Variants in AMPD1 observed in about 807,000 individuals in gnomAD.
AMPD1 encodes AMP deaminase 1.
In AMPD1, 74 loss-of-function variants were observed where a neutral mutation model predicts 82.9. The ratio of observed to expected loss-of-function variants is 0.89; its 90% CI spans 0.74 to 1.08. AMPD1 has a LOEUF of 1.08. Ranked by LOEUF, AMPD1 falls within the 50% of genes least tolerant of loss-of-function variation. The probability of loss-of-function intolerance (pLI) is 0.00; values close to 1 mark genes in which losing one functional copy is unlikely to be tolerated. For synonymous variants in AMPD1, 333 were observed against 320.5 expected, an observed-to-expected ratio of 1.04 and a Z score of -0.42; for missense variants, 881 against 924.5, an observed-to-expected ratio of 0.95 and a Z score of 0.61.
In AMPD1 at chr1:114,673,176, G is replaced by A. The variant is rs777802711; in HGVS notation, c.2182C>T (p.Arg728Cys). The A allele has an allele frequency of 8.7e-6, 14 of 1,613,998 alleles. No homozygotes were observed. The highest frequency in any genetic ancestry group is 5.5e-5 in the South Asian group (5 of 91,074). The change falls in exon 16 of 16, where the codon CGC becomes TGC. Residue 728 changes from arginine to cysteine, a missense_variant. This residue lies in a region of AMPD1 where 98 missense variants were observed against 138.1 expected (regional missense o/e 0.71). Coordinates refer to ENST00000520113, the MANE Select transcript of AMPD1 (RefSeq NM_000036.3). Reference protein sequence around the residue: ...TNVAQIRMAYRYETWCYELNL... With the variant: ...TNVAQIRMAYCYETWCYELNL... ...AGTTCATAACACCAGGTTTCATAGC[G>A]ATAGGCCATGCGGATTTGGGCTACA...
chr1:114,675,393 A>G (rs1657950431), intron 12 of AMPD1, 137 bp downstream of exon 12: 1 of 948,924 alleles, frequency 1.1e-6, no homozygotes, highest in Non-Finnish European at 1.6e-6. Context: ...AAAAAAGTTA[A>G]GAGAAAGAAA....
chr1:114,675,832 C>G, intron 11 of AMPD1, 45 bp downstream of exon 11: 1 of 1,613,684 alleles, frequency 6.2e-7, no homozygotes, highest in Non-Finnish European at 8.5e-7. Flanking sequence ...GGTAGGAAGG[C>G]TGGTTCATGA....
chr1:114,686,975 A>C (rs758842271), intron 3 of AMPD1, 65 bp from the exon 4 acceptor site: 1 of 1,520,536 alleles, frequency 6.6e-7, no homozygotes, highest in African/African-American at 1.4e-5. Flanking sequence ...TGTGATAGAT[A>C]GATGTTTCTC....
At chr1:114,693,209 T>C (rs1658570403) in intron 2 of AMPD1, among the ~76,000 whole-genome samples, 1 of 148,914 alleles carries the variant, frequency 6.7e-6, no homozygotes, top group Non-Finnish European at 1.5e-5. Flanking sequence ...AAATTATATA[T>C]AATTATATAT....
chr1:114,684,414 T>C (rs1332055661), intron 4 of AMPD1, 50 bp from the exon 5 acceptor site: 1 of 1,591,794 alleles, frequency 6.3e-7, no homozygotes, highest in Non-Finnish European at 8.6e-7. Flanking sequence ...CACGAAAAAC[T>C]GAGAAGTGAG....
At chr1:114,685,768 G>T (rs552857709) in intron 4 of AMPD1, among the ~76,000 whole-genome samples, 30 of 152,040 alleles carry the variant, frequency 2.0e-4, no homozygotes, top group Non-Finnish European at 4.3e-4. Context: ...TGTTTCCCCT[G>T]TACTCATCTC....
chr1:114,684,649 G>T (rs1014120113), intron 4 of AMPD1, among the ~76,000 whole-genome samples: 3 of 152,208 alleles, frequency 2.0e-5, no homozygotes, highest in Admixed American at 2.0e-4. Context: ...TACATAGCAG[G>T]GATTATCTAG....
intron 3 of AMPD1, among the ~76,000 whole-genome samples, chr1:114,687,750 T>C (rs1022035324): frequency 6.6e-6 from 1 of 152,062 alleles, no homozygotes; most frequent in Non-Finnish European, 1.5e-5. Flanking sequence ...GTATGCATCA[T>C]AGACATGGGA....
At chr1:114,688,396 G>A (rs998847895) in intron 3 of AMPD1, among the ~76,000 whole-genome samples, 165 bp downstream of exon 3, 1 of 152,164 alleles carries the variant, frequency 6.6e-6, no homozygotes, top group Non-Finnish European at 1.5e-5. Flanking sequence ...CCAGAGTGCT[G>A]GGATTACATT....
rs763475874 is a variant in AMPD1, at chr1:114,688,531, T to G, written c.215+30A>C. 2.5e-6 allele frequency: 4 copies of G among 1,612,534 alleles called. No homozygotes were observed. The South Asian group carries it at 4.4e-5, about 18-fold the overall frequency. ...GCAGATACCCCTCCTTAGGTGCCAA[T>G]ATACTAAGCACTCCCCTTACACCAC... On this transcript the variant is annotated intron_variant, in intron 3 of 15. Transcript: ENST00000520113.
At chr1:114,679,531 T>G in intron 7 of AMPD1, 48 bp downstream of exon 7, 1 of 1,608,460 alleles carries the variant, frequency 6.2e-7, no homozygotes, top group Non-Finnish European at 8.5e-7. Flanking sequence ...AATAAATAAT[T>G]GAATTGTTTT....
In AMPD1 at chr1:114,673,803, A is replaced by C; in HGVS notation, c.1975-54T>G. 41 of 1,575,132 alleles carry C rather than the reference A, an allele frequency of 2.6e-5. No homozygotes were observed. The South Asian group carries it at 4.4e-4, about 17-fold the overall frequency. On this transcript the variant is annotated intron_variant, in intron 14 of 15. Coordinates refer to ENST00000520113, the MANE Select transcript of AMPD1 (RefSeq NM_000036.3). ...AGGAGTGAATTAATAAATAATATGC[A>C]TCCTGCCTGAAAAAATAATGAAATA...
chr1:114,683,314 C>T (rs1200239698), intron 5 of AMPD1, among the ~76,000 whole-genome samples: 1 of 152,134 alleles, frequency 6.6e-6, no homozygotes. Flanking sequence ...CACAGGGAAG[C>T]AGAGCAGCAA....
In AMPD1 at chr1:114,673,959, G is replaced by T. The variant is rs760814471; in HGVS notation, c.1924C>A (p.Leu642Ile). 4 of 1,613,956 alleles carry T rather than the reference G, an allele frequency of 2.5e-6. No homozygotes were observed. Among genetic ancestry groups the T allele is most frequent in the East Asian group, 4.5e-5 (2 of 44,880 alleles). ...TCATCTGTAGACAGTGAGATCATTA[G>T]CCCTTTCTGAAGGAAATCCAAAAAA... ...NPFLDFLQKG[L>I]MISLSTDDPM... The change falls in exon 14 of 16, where the codon CTA becomes ATA. Residue 642 changes from leucine to isoleucine, a missense_variant. Leu to Ile is a conservative substitution (Grantham distance 5). Coordinates refer to ENST00000520113, the MANE Select transcript of AMPD1 (RefSeq NM_000036.3).
rs554825859 is a variant in AMPD1 at position 114,677,992 on chromosome 1, G to A, written c.1142C>T (p.Pro381Leu). The A allele has an allele frequency of 5.0e-6, 8 of 1,613,990 alleles. No individual in the cohort carries two copies. The highest frequency in any genetic ancestry group is 6.8e-6 in the Non-Finnish European group (8 of 1,179,968). Residue 381 changes from proline to leucine, a missense_variant, in exon 9 of 16, where the codon CCT (proline) becomes CTT (leucine). Coordinates refer to ENST00000520113, the MANE Select transcript of AMPD1 (RefSeq NM_000036.3). Reference sequence around the variant, plus strand: ...GTCCCGTAGCTCACTTGCTCCTACAGGATTATATTTGTCATTGAACTTATC... The same window carrying A: ...GTCCCGTAGCTCACTTGCTCCTACAAGATTATATTTGTCATTGAACTTATC... ...RFDKFNDKYNPVGASELRDLY... is the reference protein window; with the variant it reads ...RFDKFNDKYNLVGASELRDLY...
intron 6 of AMPD1, 147 bp from the exon 7 acceptor site, chr1:114,679,855 G>A: frequency 1.1e-6 from 1 of 935,402 alleles, no homozygotes; most frequent in Non-Finnish European, 1.7e-6. Flanking sequence ...TAATCCCACT[G>A]AGAAGTAGTG....
At chr1:114,690,116 A>C (rs1262909929) in intron 2 of AMPD1, among the ~76,000 whole-genome samples, 1 of 152,180 alleles carries the variant, frequency 6.6e-6, no homozygotes, top group Admixed American at 6.5e-5. Context: ...GACCTGCAAA[A>C]GTCCATATTT....
intron 5 of AMPD1, among the ~76,000 whole-genome samples, chr1:114,680,852 C>T (rs772897774): frequency 4.6e-5 from 7 of 152,154 alleles, no homozygotes; most frequent in Non-Finnish European, 1.0e-4. Context: ...CCTGTTACCT[C>T]AGCTACTCAG....
rs1281327838 is a variant in AMPD1, at chr1:114,675,899, T to C, written c.1493A>G (p.Glu498Gly). The C allele has an allele frequency of 1.9e-6, 3 of 1,614,010 alleles. No individual in the cohort carries two copies. Among genetic ancestry groups the C allele is most frequent in the Non-Finnish European group, 2.5e-6 (3 of 1,180,026 alleles). Residue 498 changes from glutamate (E) to glycine (G), a missense_variant, in exon 11 of 16, where the codon GAA becomes GGA. This residue lies in a region of AMPD1 where 783 missense variants were observed against 786.4 expected (regional missense o/e 1.00). Coordinates refer to ENST00000520113, the MANE Select transcript of AMPD1 (RefSeq NM_000036.3). ...EATINPQADP[E>G]LSVFLKHITG... is the part of the protein sequence containing the mutation. ...TACATGCTTGAGGAAGACACTGAGT[T>C]CTGGGTCAGCCTGGGGGTTGATGGT... is the stretch of plus-strand genomic sequence containing the variant.
Sources: allele counts gnomAD v4.1 joint callset (sites outside exome capture counted in the v4.1 genomes callset), GRCh38; gene constraint gnomAD v4.1.1; regional missense constraint gnomAD v4.1.1; transcripts MANE v1.5; gene names NCBI Gene and HGNC (gene_info 2026-07-23, HGNC 2026-07-21).